The following NGEF variants were observed in gnomAD, a reference collection of about 807,000 sequenced individuals.
The protein encoded by NGEF is ephexin-1.
In NGEF, 31 loss-of-function variants were observed where a neutral mutation model predicts 80.9. That is an observed-to-expected ratio of 0.38 (90% confidence interval 0.29 to 0.52). The LOEUF is 0.52. Ranked by LOEUF, NGEF falls within the 20% of genes least tolerant of loss-of-function variation. NGEF has a pLI of 0.84. For synonymous variants in NGEF, 371 were observed against 370.2 expected, an observed-to-expected ratio of 1.00 and a Z score of -0.03; for missense variants, 709 against 926.2, an observed-to-expected ratio of 0.77 and a Z score of 3.04.
intron 3 of NGEF, among the ~76,000 whole-genome samples, chr2:232,966,358 C>A (rs1038103996): frequency 6.6e-6 from 1 of 152,216 alleles, no homozygotes; most frequent in African/African-American, 2.4e-5. Flanking sequence ...TCCTGGAGAC[C>A]CACACTTAGC....
chr2:232,966,416 C>G (rs1242558936), intron 3 of NGEF, among the ~76,000 whole-genome samples: 1 of 152,198 alleles, frequency 6.6e-6, no homozygotes, highest in Non-Finnish European at 1.5e-5. Context: ...AAATGCTTCC[C>G]CAATCCCTGC....
intron 1 of NGEF, among the ~76,000 whole-genome samples, chr2:233,012,114 G>A (rs960073299): frequency 6.6e-6 from 1 of 152,146 alleles, no homozygotes; most frequent in Non-Finnish European, 1.5e-5. Flanking sequence ...GGGGCAGGGA[G>A]GACAAAGACA....
At chr2:232,984,930 G>A (rs1694503539) in intron 1 of NGEF, among the ~76,000 whole-genome samples, 1 of 152,192 alleles carries the variant, frequency 6.6e-6, no homozygotes, top group Non-Finnish European at 1.5e-5. Flanking sequence ...CAGTGTAAGA[G>A]GTTGAATGAA....
chr2:232,968,100 T>G (rs1694102699), intron 3 of NGEF, among the ~76,000 whole-genome samples: 1 of 150,296 alleles, frequency 6.7e-6, no homozygotes, highest in Non-Finnish European at 1.5e-5. Flanking sequence ...TGGCTTTTTT[T>G]TTTTTGAGAC....
intron 3 of NGEF, among the ~76,000 whole-genome samples, chr2:232,948,603 A>G (rs1265670308): frequency 6.6e-6 from 1 of 152,054 alleles, no homozygotes; most frequent in Non-Finnish European, 1.5e-5. Flanking sequence ...GCCATATGGG[A>G]GCTTATTGTG....
intron 1 of NGEF, among the ~76,000 whole-genome samples, chr2:233,007,480 G>C (rs141304660): frequency 2.0e-5 from 3 of 152,154 alleles, no homozygotes; most frequent in Non-Finnish European, 2.9e-5. Flanking sequence ...GAAGAGCAGC[G>C]CAAACTGGTG....
intron 1 of NGEF, among the ~76,000 whole-genome samples, chr2:232,986,513 C>A (rs548835129): frequency 6.6e-6 from 1 of 152,288 alleles, no homozygotes; most frequent in South Asian, 2.1e-4. Context: ...GGTGGAATAT[C>A]ATTCAGCCAT....
At chr2:232,929,065 C>A (rs933252968) in intron 3 of NGEF, among the ~76,000 whole-genome samples, 6 of 152,218 alleles carry the variant, frequency 3.9e-5, no homozygotes, top group African/African-American at 1.4e-4. Context: ...GTGTCCTTTT[C>A]CGGAGGCCAG....
intron 5 of NGEF, among the ~76,000 whole-genome samples, chr2:232,907,790 T>C (rs1031435800): frequency 2.0e-5 from 3 of 152,210 alleles, no homozygotes; most frequent in Admixed American, 6.5e-5. Flanking sequence ...ACGTTACTCA[T>C]TTTTTAAAAA....
At chr2:232,984,321 G>A (rs1365120319) in intron 1 of NGEF, among the ~76,000 whole-genome samples, 1 of 151,858 alleles carries the variant, frequency 6.6e-6, no homozygotes. Flanking sequence ...GGAACTCCTG[G>A]CCTTAAGCAA....
rs1314185637 is a variant in NGEF at position 232,891,480 on chromosome 2, TCTC to T, written c.1147_1149del (p.Glu383del). 6.2e-7 allele frequency: 1 copy of T among 1,612,674 alleles called. No homozygotes were observed. Among genetic ancestry groups the T allele is most frequent in the Admixed American group, 1.7e-5 (1 of 59,980 alleles). On this transcript the variant is annotated inframe_deletion, in exon 8 of 15. Coordinates refer to ENST00000264051, the MANE Select transcript of NGEF (RefSeq NM_019850.3). ...GCGATCAGCTCCCGGAAAGCTGCCTTCTCCTGGCTGGGGACACAGACAGGTGGA... is the reference window on the plus strand; with the variant it reads ...GCGATCAGCTCCCGGAAAGCTGCCTTCTGGCTGGGGACACAGACAGGTGGA...
At chr2:232,970,014 T>C in intron 3 of NGEF, 200 bp downstream of exon 3, 1 of 321,348 alleles carries the variant, frequency 3.1e-6, no homozygotes, top group Non-Finnish European at 5.6e-6. Flanking sequence ...ACAAATATTT[T>C]TTTAAAAAAT....
chr2:232,946,664 G>A (rs1038096686), intron 3 of NGEF, among the ~76,000 whole-genome samples: 1 of 152,166 alleles, frequency 6.6e-6, no homozygotes, highest in Non-Finnish European at 1.5e-5. Context: ...AATGGAGCTA[G>A]GGCTCCTTGG....
At chr2:232,888,451 G>T (rs559617118) in intron 8 of NGEF, among the ~76,000 whole-genome samples, 21 of 151,920 alleles carry the variant, frequency 1.4e-4, no homozygotes, top group Non-Finnish European at 2.2e-4. Context: ...TGCACAACAC[G>T]ATGCATGCAC....
At chr2:232,893,091 G>A (rs1407101030) in intron 6 of NGEF, 41 bp from the exon 7 acceptor site, 2 of 1,590,164 alleles carry the variant, frequency 1.3e-6, no homozygotes, top group East Asian at 4.5e-5. Flanking sequence ...TGCCCGGGGG[G>A]TAGGGTGGGG....
chr2:232,948,146 G>GGTGT (rs1693598318), intron 3 of NGEF, among the ~76,000 whole-genome samples: 1 of 78,480 alleles, frequency 1.3e-5, no homozygotes, highest in Non-Finnish European at 2.4e-5. Context: ...ATAGCCTGGA[G>GGTGT]ATGTGTGTGT....
At chr2:232,925,551 C>T (rs1156607369) in intron 4 of NGEF, among the ~76,000 whole-genome samples, 4 of 152,146 alleles carry the variant, frequency 2.6e-5, no homozygotes, top group Non-Finnish European at 5.9e-5. Context: ...CAGCCGGCTT[C>T]GGACTTCTGC....
intron 12 of NGEF, 138 bp downstream of exon 12, chr2:232,883,173 G>C: frequency 9.2e-7 from 1 of 1,088,988 alleles, no homozygotes; most frequent in Non-Finnish European, 1.3e-6. Flanking sequence ...GCAGGGTCTG[G>C]ACGGGAAGGA....
intron 2 of NGEF, among the ~76,000 whole-genome samples, chr2:232,972,284 G>A (rs1001630995): frequency 6.6e-6 from 1 of 152,110 alleles, no homozygotes; most frequent in Non-Finnish European, 1.5e-5. Flanking sequence ...GCAAAAAAAA[G>A]GAATGTAAAC....
Sources: allele counts gnomAD v4.1 joint callset (sites outside exome capture counted in the v4.1 genomes callset), GRCh38; gene constraint gnomAD v4.1.1; transcripts MANE v1.5; gene names NCBI Gene and HGNC (gene_info 2026-07-23, HGNC 2026-07-21).